The following KCNIP1 variants were observed in gnomAD, a reference collection of about 807,000 sequenced individuals.
KCNIP1 encodes potassium voltage-gated channel interacting protein 1.
KCNIP1 carries 18 observed loss-of-function variants against 33.0 expected under a neutral mutation model. The ratio of observed to expected loss-of-function variants is 0.55; its 90% confidence interval spans 0.38 to 0.81. The LOEUF is 0.81. Ranked by LOEUF, KCNIP1 falls within the 30% of genes least tolerant of loss-of-function variation. The pLI is 0.00. For synonymous variants in KCNIP1, 93 were observed against 98.3 expected (o/e 0.95, Z 0.32); for missense variants, 238 against 271.6 (o/e 0.88, Z 0.87).
rs183975709 is a variant in KCNIP1, at chr5:170,608,742, G to A, written c.61+104109G>A. ...AGCTGAGATGCACTCCAGCCTGGGC[G>A]ACAGGGTGAAACTGTCTCAAAAAAA... On this transcript the variant is annotated intron_variant, in intron 1 of 7. Transcript: ENST00000328939. Among the ~76,000 whole-genome samples, 35 of 148,154 alleles carry A rather than the reference G, an allele frequency of 2.4e-4. No homozygotes were observed. The East Asian group carries it at 5.7e-3, about 24-fold the overall frequency.
At chr5:170,359,381 C>G (rs1284690663) in intron 1 of KCNIP1, among the ~76,000 whole-genome samples, 2 of 152,182 alleles carry the variant, frequency 1.3e-5, no homozygotes, top group Non-Finnish European at 2.9e-5. Flanking sequence ...ACTTTGAGAC[C>G]TGTGAGATAT....
intron 1 of KCNIP1, among the ~76,000 whole-genome samples, chr5:170,650,876 G>A (rs1375518282): frequency 6.6e-6 from 1 of 152,198 alleles, no homozygotes; most frequent in African/African-American, 2.4e-5. Context: ...CACAATATGA[G>A]AGGAAATATT....
At chr5:170,601,666 C>T (rs1758693189) in intron 1 of KCNIP1, among the ~76,000 whole-genome samples, 1 of 152,198 alleles carries the variant, frequency 6.6e-6, no homozygotes, top group Non-Finnish European at 1.5e-5. Flanking sequence ...TCATTTCGCC[C>T]TTCAACAATT....
At chr5:170,377,251 A>C (rs1764040664) in intron 1 of KCNIP1, 1 of 152,262 alleles carries the variant, frequency 6.6e-6, no homozygotes, top group Admixed American at 6.5e-5. Context: ...CATTGTTAGA[A>C]CACAGAACAT....
intron 1 of KCNIP1, among the ~76,000 whole-genome samples, chr5:170,519,900 A>G (rs1223396301): frequency 6.6e-6 from 1 of 152,134 alleles, no homozygotes; most frequent in African/African-American, 2.4e-5. Flanking sequence ...TGAAAGATGT[A>G]GAAGAGAAAT....
At chr5:170,623,494 G>A (rs1169803081) in intron 1 of KCNIP1, among the ~76,000 whole-genome samples, 3 of 152,030 alleles carry the variant, frequency 2.0e-5, no homozygotes, top group African/African-American at 2.4e-5. Context: ...TTACAGGCGT[G>A]AGCCACCACG....
chr5:170,689,241 C>T (rs1358235603), intron 1 of KCNIP1, among the ~76,000 whole-genome samples: 1 of 152,162 alleles, frequency 6.6e-6, no homozygotes, highest in African/African-American at 2.4e-5. Flanking sequence ...AGAACAGATG[C>T]TGGAGATACA....
chr5:170,409,280 T>C (rs949509025), intron 1 of KCNIP1, among the ~76,000 whole-genome samples: 1 of 152,156 alleles, frequency 6.6e-6, no homozygotes, highest in Non-Finnish European at 1.5e-5. Context: ...AGTGGGTTCA[T>C]AATTTACAAA....
At chr5:170,383,682 C>G (rs770320834) in intron 1 of KCNIP1, 6 of 1,614,046 alleles carry the variant, frequency 3.7e-6, no homozygotes, top group Non-Finnish European at 5.1e-6. Flanking sequence ...TCAGTACCTG[C>G]TGGTTCTGGT....
At chr5:170,480,977 C>T (rs1756965219) in intron 1 of KCNIP1, among the ~76,000 whole-genome samples, 1 of 152,110 alleles carries the variant, frequency 6.6e-6, no homozygotes, top group African/African-American at 2.4e-5. Context: ...GAAATAATAT[C>T]ACCCATATAT....
At chr5:170,428,637 G>A (rs114478383) in intron 1 of KCNIP1, among the ~76,000 whole-genome samples, 264 of 152,246 alleles carry the variant, frequency 1.7e-3, no homozygotes, top group African/African-American at 6.1e-3. Context: ...TCACGGGGTG[G>A]CTGTGTCTGC....
At position 170,721,165 on chromosome 5, in the gene KCNIP1, C is replaced by T. The variant is rs1047291561; in HGVS notation, c.257-668C>T. On this transcript the variant is annotated intron_variant, in intron 3 of 7. Coordinates refer to ENST00000328939, the MANE Select transcript of KCNIP1 (RefSeq NM_014592.4). ...TCCAAACACTTCTTGGGCCCTGTTTCTCATGGGCCTTTTTGGCAGCAGACA... is the reference window on the plus strand; with the variant it reads ...TCCAAACACTTCTTGGGCCCTGTTTTTCATGGGCCTTTTTGGCAGCAGACA... Among the ~76,000 whole-genome samples, 3 of 152,198 alleles carry T rather than the reference C, an allele frequency of 2.0e-5. 1 individual carries two copies. The highest frequency in any genetic ancestry group is 7.2e-5 in the African/African-American group (3 of 41,446).
chr5:170,490,341 C>T lies in KCNIP1; in HGVS notation c.88+136377C>T, dbSNP rs147901043. 1.5e-4 allele frequency among the ~76,000 whole-genome samples: 23 copies of T among 152,290 alleles called. No homozygotes were observed. In the East Asian group the frequency reaches 2.9e-3, roughly 19 times the overall value. ...ACTGTGTGAAATTCTCCCACATTGA[C>T]GGGCTGGGGGTAGGGCAACTACAAT... On this transcript the variant is annotated intron_variant, in intron 1 of 7. Coordinates refer to the KCNIP1 transcript ENST00000377360.
chr5:170,627,953 CA>C lies in KCNIP1; in HGVS notation c.62-90801del, dbSNP rs371132129. 1.1e-4 allele frequency among the ~76,000 whole-genome samples: 17 copies of C among 152,280 alleles called. No individual in the cohort carries two copies. The East Asian group carries it at 3.1e-3, about 28-fold the overall frequency. On this transcript the variant is annotated intron_variant, in intron 1 of 7. Coordinates refer to ENST00000328939, the MANE Select transcript of KCNIP1 (RefSeq NM_014592.4). ...TCTAGTAAATGTCAAAACTTTTAACCAAAATGCCTTCATCCCCCAGCGCCAG... is the reference window on the plus strand; with the variant it reads ...TCTAGTAAATGTCAAAACTTTTAACCAAATGCCTTCATCCCCCAGCGCCAG...
chr5:170,372,744 T>C (rs927367151), intron 1 of KCNIP1, among the ~76,000 whole-genome samples: 11 of 152,256 alleles, frequency 7.2e-5, no homozygotes, highest in African/African-American at 2.2e-4. Context: ...TATTTGAACA[T>C]GCGGAATCAA....
At chr5:170,657,712 AC>A (rs1215722566) in intron 1 of KCNIP1, among the ~76,000 whole-genome samples, 2 of 152,160 alleles carry the variant, frequency 1.3e-5, no homozygotes, top group Non-Finnish European at 2.9e-5. Flanking sequence ...CTAGTGCAAA[AC>A]AAGCTGCTGC....
At chr5:170,609,345 T>C (rs1759053949) in intron 1 of KCNIP1, among the ~76,000 whole-genome samples, 1 of 152,190 alleles carries the variant, frequency 6.6e-6, no homozygotes, top group African/African-American at 2.4e-5. Flanking sequence ...CTTCACTGCA[T>C]GAGTTATCGC....
chr5:170,660,219 T>C (rs1188960332), intron 1 of KCNIP1, among the ~76,000 whole-genome samples: 24 of 152,198 alleles, frequency 1.6e-4, no homozygotes, highest in Admixed American at 1.5e-3. Flanking sequence ...CCAAAACTGT[T>C]GGCTGTAAAA....
upstream of KCNIP1, among the ~76,000 whole-genome samples, chr5:170,499,964 G>A (rs545178720): frequency 1.3e-3 from 193 of 152,246 alleles, no homozygotes; most frequent in African/African-American, 4.3e-3. Context: ...CTGGGGTTGC[G>A]CATCAGTCTG....
Sources: gnomAD v4.1 joint callset for allele counts (sites outside exome capture counted in the v4.1 genomes callset) on GRCh38, gnomAD v4.1.1 for gene constraint, MANE v1.5 for transcripts, NCBI Gene and HGNC (gene_info 2026-07-23, HGNC 2026-07-21) for gene names.